MACROD2: variants seen among roughly 807,000 people sequenced by gnomAD.
MACROD2 encodes the protein ADP-ribose glycohydrolase MACROD2.
Under a neutral mutation model 70.4 loss-of-function variants are expected in MACROD2, and 36 were observed. That is an observed-to-expected ratio of 0.51 (90% confidence interval 0.39 to 0.68). The LOEUF (loss-of-function observed/expected upper bound fraction) is 0.68, where lower values mean the gene tolerates loss of function less well. MACROD2 is among the 30% of genes least tolerant of loss of function. The pLI, the probability that MACROD2 is intolerant of heterozygous loss-of-function variation, is 0.00. For synonymous variants in MACROD2, 172 were observed against 178.8 expected, an observed-to-expected ratio of 0.96 and a Z score of 0.30; for missense variants, 496 against 538.4, an observed-to-expected ratio of 0.92 and a Z score of 0.78.
At chr20:14,322,006 A>C (rs1316139454) in intron 3 of MACROD2, among the ~76,000 whole-genome samples, 2 of 150,850 alleles carry the variant, frequency 1.3e-5, no homozygotes, top group Non-Finnish European at 3.0e-5. Flanking sequence ...GTTTTTGTTA[A>C]AGTTATATGC....
intron 15 of MACROD2, among the ~76,000 whole-genome samples, chr20:15,998,920 A>T (rs1169347429): frequency 6.6e-6 from 1 of 151,950 alleles, no homozygotes; most frequent in Non-Finnish European, 1.5e-5. Flanking sequence ...AATTTTTTTT[A>T]AAAACCTCAT....
intron 2 of MACROD2, among the ~76,000 whole-genome samples, chr20:14,060,492 A>G (rs1569140152): frequency 6.6e-6 from 1 of 152,182 alleles, no homozygotes. Flanking sequence ...TGAAATCAAG[A>G]AAGTCAAGGA....
intron 6 of MACROD2, among the ~76,000 whole-genome samples, chr20:15,303,593 G>A (rs541846001): frequency 6.6e-6 from 1 of 152,216 alleles, no homozygotes; most frequent in East Asian, 1.9e-4. Context: ...TCCTCTGCCA[G>A]CGTCTCACTT....
chr20:15,017,850 G>A (rs1292229664), intron 5 of MACROD2, among the ~76,000 whole-genome samples: 1 of 152,164 alleles, frequency 6.6e-6, no homozygotes, highest in Non-Finnish European at 1.5e-5. Context: ...TGGGACACAG[G>A]GCACCAAGTC....
intron 8 of MACROD2, among the ~76,000 whole-genome samples, chr20:15,559,017 A>G (rs796075700): frequency 8.5e-5 from 13 of 152,278 alleles, no homozygotes; most frequent in African/African-American, 2.9e-4. Context: ...TCACGAGGTC[A>G]GGAGATCGAG....
chr20:14,523,425 C>A (rs966237105), intron 4 of MACROD2: 9 of 152,196 alleles, frequency 5.9e-5, no homozygotes, highest in African/African-American at 2.2e-4. Context: ...AATCAGAGAC[C>A]TCCAGCTTCT....
chr20:14,797,149 C>CAA (rs2122126368), intron 5 of MACROD2, among the ~76,000 whole-genome samples: 1 of 152,138 alleles, frequency 6.6e-6, no homozygotes, highest in Admixed American at 6.5e-5. Context: ...ATTGACTTGA[C>CAA]CCCTGCTGAG....
At chr20:15,316,386 C>A (rs1226206507) in intron 6 of MACROD2, among the ~76,000 whole-genome samples, 5 of 151,862 alleles carry the variant, frequency 3.3e-5, no homozygotes, top group African/African-American at 1.2e-4. Flanking sequence ...CAAAAGAAAG[C>A]CAGGGTGGCT....
intron 8 of MACROD2, among the ~76,000 whole-genome samples, chr20:15,774,091 T>C (rs1189954863): frequency 6.6e-6 from 1 of 152,180 alleles, no homozygotes; most frequent in Non-Finnish European, 1.5e-5. Flanking sequence ...ATAAAATAGC[T>C]TCCCTTGGAG....
chr20:15,568,851 A>T (rs2048342279), intron 8 of MACROD2, among the ~76,000 whole-genome samples: 2 of 152,214 alleles, frequency 1.3e-5, no homozygotes, highest in South Asian at 4.1e-4. Context: ...TCTGTAAGTT[A>T]TCAGAAGAAT....
intron 3 of MACROD2, among the ~76,000 whole-genome samples, chr20:14,431,329 A>C (rs1031987848): frequency 2.0e-5 from 3 of 152,134 alleles, no homozygotes; most frequent in Non-Finnish European, 4.4e-5. Context: ...ATACTCTCTG[A>C]TGTCACACTG....
chr20:15,456,863 C>T (rs1327174078), intron 7 of MACROD2, among the ~76,000 whole-genome samples: 1 of 151,976 alleles, frequency 6.6e-6, no homozygotes, highest in Non-Finnish European at 1.5e-5. Flanking sequence ...GCCAGGGCTG[C>T]GATCTTCTGA....
chr20:14,629,919 G>T (rs1446086829), intron 4 of MACROD2, among the ~76,000 whole-genome samples: 2 of 152,012 alleles, frequency 1.3e-5, no homozygotes, highest in Non-Finnish European at 2.9e-5. Context: ...AGCAGTCAGA[G>T]CATTAGCTAA....
At chr20:15,500,100 G>T (rs890708078) in intron 8 of MACROD2, among the ~76,000 whole-genome samples, 9 of 152,116 alleles carry the variant, frequency 5.9e-5, no homozygotes, top group African/African-American at 1.9e-4. Flanking sequence ...TTTTACATTG[G>T]TGGATAGTAT....
At chr20:14,768,641 G>T (rs2072123930) in intron 5 of MACROD2, among the ~76,000 whole-genome samples, 1 of 151,750 alleles carries the variant, frequency 6.6e-6, no homozygotes, top group Non-Finnish European at 1.5e-5. Context: ...TTTTGAGATG[G>T]AGTCTCGCTC....
intron 3 of MACROD2, among the ~76,000 whole-genome samples, chr20:14,261,322 CA>C (rs534696220): frequency 2.1e-3 from 317 of 152,218 alleles, no homozygotes; most frequent in Non-Finnish European, 3.4e-3. Flanking sequence ...GGGTTAGTAA[CA>C]AAATCCCTTT....
At chr20:15,847,171 C>T (rs1268235809) in intron 8 of MACROD2, among the ~76,000 whole-genome samples, 1 of 152,080 alleles carries the variant, frequency 6.6e-6, no homozygotes, top group Non-Finnish European at 1.5e-5. Context: ...TTCTTCTCCT[C>T]AACATTTCCA....
At chr20:14,055,455 T>C (rs951767461) in intron 2 of MACROD2, among the ~76,000 whole-genome samples, 4 of 151,460 alleles carry the variant, frequency 2.6e-5, no homozygotes, top group Non-Finnish European at 5.9e-5. Flanking sequence ...CTTCCATTAG[T>C]TATTCTTATT....
intron 12 of MACROD2, among the ~76,000 whole-genome samples, chr20:15,957,521 C>G (rs1348536436): frequency 6.6e-6 from 1 of 152,154 alleles, no homozygotes; most frequent in Non-Finnish European, 1.5e-5. Context: ...TAATTAAGAT[C>G]CTTCCCTCCC....
Sources: allele counts gnomAD v4.1 joint callset (sites outside exome capture counted in the v4.1 genomes callset), GRCh38; gene constraint gnomAD v4.1.1; transcripts MANE v1.5; gene names NCBI Gene and HGNC (gene_info 2026-07-23, HGNC 2026-07-21).